The following ST8SIA1 variants were observed in gnomAD, a reference collection of about 807,000 sequenced individuals.
ST8SIA1 encodes ST8 alpha-N-acetyl-neuraminide alpha-2,8-sialyltransferase 1.
In ST8SIA1, 16 loss-of-function variants were observed where a neutral mutation model predicts 35.9. The ratio of observed to expected loss-of-function variants is 0.45; its 90% confidence interval spans 0.30 to 0.68. The LOEUF is 0.68. Ranked by LOEUF, ST8SIA1 falls within the 30% of genes least tolerant of loss-of-function variation. ST8SIA1 has a pLI of 0.09. For missense variants in ST8SIA1, 383 were observed against 453.6 expected (o/e 0.84, Z 1.41); for synonymous variants, 170 against 169.6 (o/e 1.00, Z -0.02).
At chr12:22,261,381 G>A (rs932983927) in intron 2 of ST8SIA1, among the ~76,000 whole-genome samples, 17 of 151,958 alleles carry the variant, frequency 1.1e-4, no homozygotes, top group Admixed American at 8.5e-4. Context: ...TGCCTGCCTC[G>A]GCCTCCCAAA....
At chr12:22,254,541 A>T (rs1865708044) in intron 3 of ST8SIA1, among the ~76,000 whole-genome samples, 1 of 152,112 alleles carries the variant, frequency 6.6e-6, no homozygotes, top group African/African-American at 2.4e-5. Flanking sequence ...AGATAATCCC[A>T]AACCTGTCCT....
chr12:22,286,973 T>C (rs571295735), intron 2 of ST8SIA1, among the ~76,000 whole-genome samples, 176 bp downstream of exon 2: 1 of 152,176 alleles, frequency 6.6e-6, no homozygotes, highest in Non-Finnish European at 1.5e-5. Flanking sequence ...CACCCTTGCA[T>C]CAAAACACTG....
intron 4 of ST8SIA1, among the ~76,000 whole-genome samples, chr12:22,202,510 C>A (rs527363803): frequency 2.0e-5 from 3 of 152,158 alleles, no homozygotes; most frequent in Non-Finnish European, 2.9e-5. Flanking sequence ...TATTCAGATT[C>A]ATCAATGCTA....
At chr12:22,234,284 C>T (rs74795456) in intron 4 of ST8SIA1, among the ~76,000 whole-genome samples, 4,184 of 151,696 alleles carry the variant, frequency 0.028, 109 homozygotes, top group Non-Finnish European at 0.042. Context: ...ATATTATTTA[C>T]TAACTATAAA....
At chr12:22,219,083 T>C (rs1411654693) in intron 4 of ST8SIA1, among the ~76,000 whole-genome samples, 1 of 152,144 alleles carries the variant, frequency 6.6e-6, no homozygotes, top group Admixed American at 6.6e-5. Context: ...TATACTCTAA[T>C]TTAAAACAAC....
chr12:22,306,540 AT>A (rs1324417727), intron 1 of ST8SIA1, among the ~76,000 whole-genome samples: 3 of 152,118 alleles, frequency 2.0e-5, no homozygotes, highest in African/African-American at 7.2e-5. Flanking sequence ...GCCATTATTC[AT>A]TGTTTTCTGA....
chr12:22,310,648 A>G (rs1866438121), intron 1 of ST8SIA1, among the ~76,000 whole-genome samples: 1 of 152,252 alleles, frequency 6.6e-6, no homozygotes, highest in Non-Finnish European at 1.5e-5. Context: ...TTTAAAAAAG[A>G]AACAATAACA....
chr12:22,289,084 GA>G (rs1025230693), intron 1 of ST8SIA1, among the ~76,000 whole-genome samples: 1 of 152,154 alleles, frequency 6.6e-6, no homozygotes, highest in Non-Finnish European at 1.5e-5. Flanking sequence ...CATTTTGTCA[GA>G]AGTGCATCCT....
chr12:22,248,864 C>T (rs1865633990), intron 4 of ST8SIA1, 142 bp downstream of exon 4: 1 of 585,762 alleles, frequency 1.7e-6, no homozygotes, highest in Admixed American at 3.2e-5. Flanking sequence ...TCTTTATTTA[C>T]AATTCCCTTC....
chr12:22,223,742 A>G lies in ST8SIA1; in HGVS notation c.585-21704T>C, dbSNP rs142873587. Reference sequence around the variant, plus strand: ...TTTCCATTTCCTTAATCAAGAATCTATTTCTTCACCCTCTCGACAGCTGTA... The same window carrying G: ...TTTCCATTTCCTTAATCAAGAATCTGTTTCTTCACCCTCTCGACAGCTGTA... On this transcript the variant is annotated intron_variant, in intron 4 of 4. Coordinates refer to ENST00000396037, the MANE Select transcript of ST8SIA1 (RefSeq NM_003034.4). The G allele has an allele frequency of 3.4e-4, 422 of 1,255,214 alleles. 1 individual carries two copies. The Middle Eastern group carries it at 4.8e-3, about 14-fold the overall frequency. The allele number at this position is 1,255,214 out of a possible 1,614,324, so 77.8% of individuals were successfully genotyped here. A position where few individuals can be genotyped will look rare whatever the true frequency, so the allele number is the denominator to read the frequency against.
At chr12:22,254,524 C>G (rs1865707810) in intron 3 of ST8SIA1, among the ~76,000 whole-genome samples, 1 of 152,196 alleles carries the variant, frequency 6.6e-6, no homozygotes, top group South Asian at 2.1e-4. Context: ...CTTCTTCCCT[C>G]TCACCCAGAT....
chr12:22,282,885 T>G (rs1866053840), intron 2 of ST8SIA1, among the ~76,000 whole-genome samples: 1 of 152,056 alleles, frequency 6.6e-6, no homozygotes, highest in Admixed American at 6.6e-5. Context: ...CCAAATTCTG[T>G]AGATTATGTA....
chr12:22,280,554 T>G (rs1413716009), intron 2 of ST8SIA1, among the ~76,000 whole-genome samples: 2 of 122,918 alleles, frequency 1.6e-5, no homozygotes, highest in Non-Finnish European at 3.6e-5. Context: ...GTCAAGTAAT[T>G]TAGAAAGATC....
chr12:22,199,549 C>T lies in ST8SIA1; in HGVS notation c.*2003G>A, dbSNP rs537872234. 3.3e-5 allele frequency: 5 copies of T among 152,008 alleles called. No homozygotes were observed. The highest frequency in any genetic ancestry group is 6.6e-5 in the Admixed American group (1 of 15,254). 9.4% of individuals were successfully genotyped at this position (152,008 alleles called of 1,614,324 possible). ...TACATTCTCATTATGTTTTTGCTGC[C>T]GTATAGCAAACCAGTTCTCCAATAG... On this transcript the variant is annotated 3_prime_UTR_variant, in exon 5 of 5. Coordinates refer to ENST00000396037, the MANE Select transcript of ST8SIA1 (RefSeq NM_003034.4).
At chr12:22,308,784 CT>C (rs1170954374) in intron 1 of ST8SIA1, among the ~76,000 whole-genome samples, 1 of 152,100 alleles carries the variant, frequency 6.6e-6, no homozygotes, top group Non-Finnish European at 1.5e-5. Flanking sequence ...CAAATTTCTC[CT>C]TCTTATAAGT....
chr12:22,306,537 T>G (rs1866385242), intron 1 of ST8SIA1, among the ~76,000 whole-genome samples: 1 of 152,232 alleles, frequency 6.6e-6, no homozygotes, highest in South Asian at 2.1e-4. Flanking sequence ...GAAGCCATTA[T>G]TCATTGTTTT....
In ST8SIA1 at chr12:22,333,908, G is replaced by A. The variant is rs981732816; in HGVS notation, c.236+89C>T. ...GATGAAAGGGATGCCTCTGCGAGAC[G>A]GTGCAAGGCGGTCCTCGCCGGTGAC... On this transcript the variant is annotated intron_variant, in intron 1 of 4. Coordinates refer to ENST00000396037, the MANE Select transcript of ST8SIA1 (RefSeq NM_003034.4). 15 of 1,117,384 alleles carry A rather than the reference G, an allele frequency of 1.3e-5. 1 individual carries two copies. The highest frequency in any genetic ancestry group is 1.9e-4 in the Middle Eastern group (1 of 5,162). The allele number at this position is 1,117,384 out of a possible 1,614,324, so 69.2% of individuals were successfully genotyped here. A position where few individuals can be genotyped will look rare whatever the true frequency, so the allele number is the denominator to read the frequency against.
chr12:22,244,932 T>C (rs766504759), intron 4 of ST8SIA1, among the ~76,000 whole-genome samples: 1 of 152,228 alleles, frequency 6.6e-6, no homozygotes, highest in Non-Finnish European at 1.5e-5. Flanking sequence ...ATGACATCTG[T>C]CATATATACT....
chr12:22,303,845 G>GA (rs1407498402), intron 1 of ST8SIA1, among the ~76,000 whole-genome samples: 2 of 57,738 alleles, frequency 3.5e-5, no homozygotes, highest in East Asian at 5.3e-4. Flanking sequence ...CCACCACCCT[G>GA]CCACACACAC....
Sources: gnomAD v4.1 joint callset for allele counts (sites outside exome capture counted in the v4.1 genomes callset) on GRCh38, gnomAD v4.1.1 for gene constraint, MANE v1.5 for transcripts, NCBI Gene and HGNC (gene_info 2026-07-23, HGNC 2026-07-21) for gene names.